ALG8: variants seen among roughly 807,000 people sequenced by gnomAD.
ALG8 encodes the protein dolichyl pyrophosphate Glc1Man9GlcNAc2 alpha-1,3-glucosyltransferase.
ALG8 carries 48 observed loss-of-function variants against 70.2 expected under a neutral mutation model. The observed-to-expected ratio is 0.68, with a 90% CI of 0.54 to 0.87. The LOEUF (loss-of-function observed/expected upper bound fraction) is 0.87. ALG8 is among the 40% of genes least tolerant of loss of function. The pLI, the probability that ALG8 is intolerant of heterozygous loss-of-function variation, is 0.00. For synonymous variants in ALG8, 234 were observed against 229.0 expected, an observed-to-expected ratio of 1.02 and a Z score of -0.20; for missense variants, 572 against 608.7, an observed-to-expected ratio of 0.94 and a Z score of 0.64.
intron 3 of ALG8, among the ~76,000 whole-genome samples, chr11:78,122,591 C>T (rs1333430051): frequency 6.6e-6 from 1 of 152,146 alleles, no homozygotes; most frequent in Non-Finnish European, 1.5e-5. Flanking sequence ...ATACACTAGC[C>T]TTGGCCTCCC....
intron 10 of ALG8, chr11:78,104,662 C>T (rs1590804050): frequency 1.2e-5 from 6 of 497,068 alleles, no homozygotes; most frequent in South Asian, 6.9e-5. Flanking sequence ...TCAGGGGTAT[C>T]GTAAAAGAAT....
At position 78,123,307 on chromosome 11, in the gene ALG8, A is replaced by G. The variant is rs1321556036; in HGVS notation, c.368+714T>C. Among the ~76,000 whole-genome samples, 16 of 103,834 alleles carry G rather than the reference A, an allele frequency of 1.5e-4. No individual in the cohort carries two copies. The South Asian group carries it at 5.5e-3, about 36-fold the overall frequency. The allele number at this position is 103,834 out of a possible 152,430, so 68.1% of individuals were successfully genotyped here. ...GACAGAGCAAGATTCCATCTCAGGG[A>G]AAAAAAAGAAAAAAAAAAAAAAAAA... On this transcript the variant is annotated intron_variant, in intron 3 of 12. Coordinates refer to ENST00000299626, the MANE Select transcript of ALG8 (RefSeq NM_024079.5).
rs1565345506 is a variant in ALG8 at position 78,106,868 on chromosome 11, A to ACCT, written c.1116_1117insAGG (p.Ser372_Ser373insArg). On this transcript the variant is annotated inframe_insertion, in exon 10 of 13. Coordinates refer to ENST00000299626, the MANE Select transcript of ALG8 (RefSeq NM_024079.5). ...TGAACATGCCACCCAAACATAAAGG[A>ACCT]GCTCAAGGCACAAAGAGTTAGACAT... 1.2e-6 allele frequency: 2 copies of ACCT among 1,614,042 alleles called. No individual in the cohort carries two copies. Among genetic ancestry groups the ACCT allele is most frequent in the Admixed American group, 1.7e-5 (1 of 59,994 alleles).
intron 5 of ALG8, among the ~76,000 whole-genome samples, chr11:78,117,943 C>T (rs545421525): frequency 3.3e-5 from 5 of 151,674 alleles, no homozygotes; most frequent in East Asian, 3.9e-4. Flanking sequence ...TGGTGGCAGG[C>T]GCCTGTAGTC....
chr11:78,105,492 T>C (rs4945250), intron 10 of ALG8, among the ~76,000 whole-genome samples: 5,528 of 152,120 alleles, frequency 0.036, 155 homozygotes, highest in Admixed American at 0.094. Flanking sequence ...TTTTGAGCCC[T>C]AGATTCTTCA....
Position 78,109,504 on chromosome 11 carries a change from G to A in ALG8, c.976C>T (p.His326Tyr). Reference sequence around the variant, plus strand: ...GGAGTCACTGAGGGAAGGACTGTGTGTTGGAACTGCTGAACCAAACCACTT... The same window carrying A: ...GGAGTCACTGAGGGAAGGACTGTGTATTGGAACTGCTGAACCAAACCACTT... ...MTSGLVQQFQ[H>Y]TVLPSVTPLA... The change falls in exon 9 of 13, where the codon CAC (histidine) becomes TAC (tyrosine). Residue 326 changes from histidine to tyrosine, a missense_variant. Transcript: ENST00000299626. 6.2e-7 allele frequency: 1 copy of A among 1,614,172 alleles called. No individual in the cohort carries two copies.
At chr11:78,134,937 A>G (rs1202543850) in intron 1 of ALG8, among the ~76,000 whole-genome samples, 1 of 152,188 alleles carries the variant, frequency 6.6e-6, no homozygotes, top group East Asian at 1.9e-4. Context: ...CCTCCCATGA[A>G]TCATGAATGT....
intron 1 of ALG8, among the ~76,000 whole-genome samples, chr11:78,136,552 T>A (rs916568566): frequency 1.3e-5 from 2 of 152,076 alleles, no homozygotes; most frequent in African/African-American, 4.8e-5. Flanking sequence ...AAAAAAAATG[T>A]TTCTGAGCAG....
chr11:78,111,563 C>G (rs1197961851), intron 8 of ALG8, among the ~76,000 whole-genome samples: 1 of 152,176 alleles, frequency 6.6e-6, no homozygotes, highest in Admixed American at 6.5e-5. Flanking sequence ...AGTTTTTGCA[C>G]AGCACTGAAG....
In ALG8 at chr11:78,139,500, G is replaced by A; in HGVS notation, c.89C>T (p.Pro30Leu). 1 of 1,558,524 alleles carries A rather than the reference G, an allele frequency of 6.4e-7. No homozygotes were observed. Among genetic ancestry groups the A allele is most frequent in the African/African-American group, 1.4e-5 (1 of 73,582 alleles). Reference protein sequence around the residue: ...GVTLLKCLLIPTYHSTDFEVH... With the variant: ...GVTLLKCLLILTYHSTDFEVH... ...GGCCGTGCGAGTCCCTTACTATGTG[G>A]GGATGAGAAGGCATTTGAGAAGAGT... Residue 30 changes from proline to leucine, a missense_variant, in exon 1 of 13, where the codon CCC (proline) becomes CTC (leucine). Transcript: ENST00000299626.
At position 78,112,744 on chromosome 11, in the gene ALG8, T is replaced by A. The variant is rs1197462907; in HGVS notation, c.804A>T (p.Arg268=). Reference sequence around the variant, plus strand: ...AGAGGCCCCTCTTGAAAGGAAAGAGTCGGGAAAAGACTTGAGGCAGCTGAT... The same window carrying A: ...AGAGGCCCCTCTTGAAAGGAAAGAGACGGGAAAAGACTTGAGGCAGCTGAT... The part of the protein sequence containing the change: ...ALNQLPQVFS[R]LFPFKRGLCH... Residue 268 remains arginine (R), a synonymous_variant, in exon 8 of 13, where the codon CGA becomes CGT. Transcript: ENST00000299626. 7.4e-6 allele frequency: 12 copies of A among 1,613,526 alleles called. No homozygotes were observed. Among genetic ancestry groups the A allele is most frequent in the Non-Finnish European group, 1.0e-5 (12 of 1,179,822 alleles).
chr11:78,127,086 T>C (rs965572215), intron 2 of ALG8, among the ~76,000 whole-genome samples: 14 of 141,696 alleles, frequency 9.9e-5, no homozygotes, highest in African/African-American at 3.5e-4. Flanking sequence ...TTCAAGTGAT[T>C]TTCCTGCCTC....
At chr11:78,104,247 T>C (rs1859920433) in intron 11 of ALG8, 109 bp downstream of exon 11, 2 of 1,100,532 alleles carry the variant, frequency 1.8e-6, no homozygotes, top group South Asian at 3.3e-5. Context: ...GGATGAATGA[T>C]CTCTATCCAA....
chr11:78,129,062 A>C (rs1033603217), intron 1 of ALG8, among the ~76,000 whole-genome samples: 2 of 152,172 alleles, frequency 1.3e-5, no homozygotes, highest in African/African-American at 4.8e-5. Context: ...ATCCATCCCA[A>C]GTCTAAGTAC....
chr11:78,131,748 G>A (rs542148376), intron 1 of ALG8, among the ~76,000 whole-genome samples: 1 of 152,262 alleles, frequency 6.6e-6, no homozygotes, highest in South Asian at 2.1e-4. Context: ...TTACAGGTGT[G>A]AGCCACTGCA....
At chr11:78,120,954 C>G in intron 4 of ALG8, 111 bp downstream of exon 4, 1 of 1,041,322 alleles carries the variant, frequency 9.6e-7, no homozygotes, top group Non-Finnish European at 1.5e-6. Context: ...CCACCCCACA[C>G]TCATTTTCAG....
chr11:78,103,928 G>C (rs371138004), intron 12 of ALG8, 52 bp downstream of exon 12: 11 of 1,002,718 alleles, frequency 1.1e-5, no homozygotes, highest in African/African-American at 1.6e-5. Flanking sequence ...TGACCACTTA[G>C]GTGTAAACAT....
At chr11:78,117,796 C>T (rs937033778) in intron 5 of ALG8, among the ~76,000 whole-genome samples, 8 of 144,858 alleles carry the variant, frequency 5.5e-5, no homozygotes, top group Non-Finnish European at 1.1e-4. Context: ...AAAAAAAGAC[C>T]GGGAGCGGTG....
rs189465768 is a variant in ALG8, at chr11:78,108,928, G to A, written c.1038+514C>T. 5.3e-5 allele frequency among the ~76,000 whole-genome samples: 8 copies of A among 152,284 alleles called. No individual in the cohort carries two copies. In the East Asian group the frequency reaches 7.7e-4, roughly 15 times the overall value. ...CACTAATGAAATTTTAGAAATTAAA[G>A]TTTCTAAAGTACTTAGAATGAGGCC... On this transcript the variant is annotated intron_variant, in intron 9 of 12. Coordinates refer to ENST00000299626, the MANE Select transcript of ALG8 (RefSeq NM_024079.5).
Sources: allele counts gnomAD v4.1 joint callset (sites outside exome capture counted in the v4.1 genomes callset), GRCh38; gene constraint gnomAD v4.1.1; transcripts MANE v1.5; gene names NCBI Gene and HGNC (gene_info 2026-07-23, HGNC 2026-07-21).